PLCH1: variants seen among roughly 807,000 people sequenced by gnomAD.
PLCH1 encodes 1-phosphatidylinositol 4,5-bisphosphate phosphodiesterase eta-1.
A neutral mutation model predicts 126.7 loss-of-function variants in PLCH1; 60 were observed. That is an observed-to-expected ratio of 0.47 (90% confidence interval 0.38 to 0.59). The LOEUF is 0.59. PLCH1 is among the 20% of genes least tolerant of loss of function. The pLI is 0.00. For synonymous variants in PLCH1, 719 were observed against 734.9 expected (o/e 0.98, Z 0.35); for missense variants, 1,723 against 2,040.0 (o/e 0.84, Z 2.99).
At chr3:155,609,286 G>A (rs1734756572) in intron 2 of PLCH1, among the ~76,000 whole-genome samples, 1 of 152,138 alleles carries the variant, frequency 6.6e-6, no homozygotes, top group African/African-American at 2.4e-5. Context: ...AGACCCAGAA[G>A]AGCAATAAGA....
intron 9 of PLCH1, among the ~76,000 whole-genome samples, chr3:155,553,081 G>A (rs1430393804): frequency 6.6e-6 from 1 of 152,100 alleles, no homozygotes; most frequent in African/African-American, 2.4e-5. Flanking sequence ...ACACCTATGG[G>A]ATACTCAGAT....
At chr3:155,616,865 T>C (rs1251215290) in intron 2 of PLCH1, among the ~76,000 whole-genome samples, 1 of 152,184 alleles carries the variant, frequency 6.6e-6, no homozygotes, top group East Asian at 1.9e-4. Context: ...TTTAAACCTT[T>C]GATATGTGAC....
At chr3:155,461,110 A>T (rs1373714741) in intron 21 of PLCH1, among the ~76,000 whole-genome samples, 1 of 152,194 alleles carries the variant, frequency 6.6e-6, no homozygotes, top group African/African-American at 2.4e-5. Context: ...CTATAATGGT[A>T]TGTTTTGTAA....
chr3:155,541,817 T>TAC (rs373127077), intron 10 of PLCH1, among the ~76,000 whole-genome samples: 1 of 151,474 alleles, frequency 6.6e-6, no homozygotes, highest in Non-Finnish European at 1.5e-5. Context: ...TTCAATTTGT[T>TAC]ACACACACAC....
At chr3:155,458,524 GAGAAAGAAAGAAAAAGAAAA>G (rs1712577053) in intron 21 of PLCH1, among the ~76,000 whole-genome samples, 1 of 121,564 alleles carries the variant, frequency 8.2e-6, no homozygotes, top group Non-Finnish European at 1.7e-5. Flanking sequence ...AAATAAGAAA[GAGAAAGAAAGAAAAAGAAAA>G]AGAAAGAAAG....
chr3:155,599,473 T>C (rs545889143), intron 2 of PLCH1, among the ~76,000 whole-genome samples: 2 of 152,156 alleles, frequency 1.3e-5, no homozygotes, highest in African/African-American at 4.8e-5. Context: ...TATGATTCCA[T>C]GAGCTAGATA....
intron 6 of PLCH1, among the ~76,000 whole-genome samples, chr3:155,580,032 C>T (rs777811756): frequency 1.4e-4 from 22 of 152,024 alleles, no homozygotes; most frequent in Non-Finnish European, 2.8e-4. Flanking sequence ...AAATACAATT[C>T]AAAAACAAAC....
intron 1 of PLCH1, among the ~76,000 whole-genome samples, chr3:155,706,349 C>T (rs1746668890): frequency 6.6e-6 from 1 of 151,424 alleles, no homozygotes; most frequent in Non-Finnish European, 1.5e-5. Flanking sequence ...AGGCCAGGTG[C>T]GGTGGCTCAC....
At position 155,727,408 on chromosome 3, in the gene PLCH1, G is replaced by A. The variant is rs185404979; in HGVS notation, c.-41+17432C>T. 1.1e-3 allele frequency among the ~76,000 whole-genome samples: 145 copies of A among 137,654 alleles called. 2 individuals are homozygous for A. Among genetic ancestry groups the A allele is most frequent in the Admixed American group, 9.7e-3 (130 of 13,458 alleles). 90.3% of individuals were successfully genotyped at this position (137,654 alleles called of 152,430 possible). The stretch of plus-strand genomic sequence containing the variant: ...ACGAAATCCTTTTTTTTTTTTTTGA[G>A]ATGGAGTCTCATTCTTTTGTCCAGG... On this transcript the variant is annotated intron_variant, in intron 1 of 22. Coordinates refer to ENST00000460012, the MANE Select transcript of PLCH1 (RefSeq NM_014996.4).
intron 2 of PLCH1, among the ~76,000 whole-genome samples, chr3:155,648,940 G>A (rs557528791): frequency 3.3e-5 from 5 of 152,278 alleles, no homozygotes; most frequent in African/African-American, 1.2e-4. Flanking sequence ...AGGGAGGGGA[G>A]GCAGGGCCAA....
At chr3:155,486,202 C>G (rs914897060) in intron 21 of PLCH1, 1 of 1,542,232 alleles carries the variant, frequency 6.5e-7, no homozygotes, top group South Asian at 1.2e-5. Flanking sequence ...TATTAAAGGG[C>G]TCCACTGTAA....
intron 2 of PLCH1, among the ~76,000 whole-genome samples, chr3:155,609,976 G>T (rs1241096116): frequency 6.6e-6 from 1 of 152,064 alleles, no homozygotes; most frequent in Non-Finnish European, 1.5e-5. Flanking sequence ...ATATTTGAGG[G>T]AACAATCATG....
At chr3:155,689,064 A>G (rs1745175741) in intron 2 of PLCH1, among the ~76,000 whole-genome samples, 1 of 152,198 alleles carries the variant, frequency 6.6e-6, no homozygotes, top group African/African-American at 2.4e-5. Flanking sequence ...GGTTGTGATT[A>G]CAGGGGTGCT....
intron 10 of PLCH1, among the ~76,000 whole-genome samples, chr3:155,526,572 GGAGGTGAGA>G (rs1215411863): frequency 2.6e-5 from 4 of 151,114 alleles, no homozygotes; most frequent in African/African-American, 9.7e-5. Flanking sequence ...CACATGGCAG[GGAGGTGAGA>G]GAGGCCTCAG....
chr3:155,701,757 G>T (rs904622076), intron 2 of PLCH1, among the ~76,000 whole-genome samples: 1 of 152,244 alleles, frequency 6.6e-6, no homozygotes. Flanking sequence ...AGCTCCCTTG[G>T]TTTAAAATAT....
intron 1 of PLCH1, among the ~76,000 whole-genome samples, chr3:155,728,359 C>T (rs1284095733): frequency 6.6e-6 from 1 of 152,052 alleles, no homozygotes; most frequent in South Asian, 2.1e-4. Context: ...ATTTTTTTCG[C>T]ACTTCCTATG....
chr3:155,531,047 G>T (rs113238948), intron 10 of PLCH1, among the ~76,000 whole-genome samples: 1 of 151,430 alleles, frequency 6.6e-6, no homozygotes, highest in Non-Finnish European at 1.5e-5. Flanking sequence ...CTCAATAGTG[G>T]GCTTAAAATA....
chr3:155,539,432 G>A (rs1371690132), intron 10 of PLCH1, among the ~76,000 whole-genome samples: 3 of 152,026 alleles, frequency 2.0e-5, no homozygotes, highest in African/African-American at 7.2e-5. Flanking sequence ...AAGAAATAAA[G>A]GGCTTCCAAA....
chr3:155,553,881 C>G (rs1726458081), intron 9 of PLCH1, among the ~76,000 whole-genome samples, 195 bp downstream of exon 9: 2 of 152,184 alleles, frequency 1.3e-5, no homozygotes, highest in Non-Finnish European at 2.9e-5. Context: ...GGAATAAATG[C>G]AGCATGAGAA....
Sources: allele counts gnomAD v4.1 joint callset (sites outside exome capture counted in the v4.1 genomes callset), GRCh38; gene constraint gnomAD v4.1.1; transcripts MANE v1.5; gene names NCBI Gene and HGNC (gene_info 2026-07-23, HGNC 2026-07-21).